The following C1QTNF9 variants were observed in gnomAD, a reference collection of about 807,000 sequenced individuals.
The protein encoded by C1QTNF9 is complement C1q and tumor necrosis factor-related protein 9A.
Under a neutral mutation model 10.1 loss-of-function variants are expected in C1QTNF9, and 6 were observed. The observed-to-expected ratio is 0.59, with a 90% CI of 0.32 to 1.17. C1QTNF9 has a LOEUF of 1.17. Ranked by LOEUF, C1QTNF9 falls within the 50% of genes most tolerant of loss-of-function variation. The probability of loss-of-function intolerance (pLI) is 0.04; values close to 1 mark genes in which losing one functional copy is unlikely to be tolerated. For missense variants in C1QTNF9, 201 were observed against 418.8 expected (o/e 0.48, Z 4.54); for synonymous variants, 98 against 163.5 (o/e 0.60, Z 3.06).
Position 24,309,907 on chromosome 13 carries a change from T to C in C1QTNF9, c.-23+291T>C, listed in dbSNP as rs145595964. On this transcript the variant is annotated intron_variant, in intron 1 of 3. Coordinates refer to ENST00000332018, the Ensembl canonical transcript of C1QTNF9. ...TCATAAGAATAGTGGGCTTTTTTTCTTTTTTTCAGATGTAGTCTTGCTCTG... is the reference window on the plus strand; with the variant it reads ...TCATAAGAATAGTGGGCTTTTTTTCCTTTTTTCAGATGTAGTCTTGCTCTG... Among the ~76,000 whole-genome samples the C allele has an allele frequency of 2.2e-3, 328 of 152,250 alleles. 1 individual carries two copies. Among genetic ancestry groups the C allele is most frequent in the African/African-American group, 7.6e-3 (317 of 41,542 alleles).
chr13:24,310,934 G>T (rs1028905453), intron 1 of C1QTNF9, among the ~76,000 whole-genome samples: 1 of 139,104 alleles, frequency 7.2e-6, no homozygotes, highest in Non-Finnish European at 1.5e-5. Context: ...AAAAAAAAAA[G>T]ATATGTTGAA....
intron 1 of C1QTNF9, among the ~76,000 whole-genome samples, chr13:24,311,150 T>C (rs1877806625): frequency 2.0e-5 from 3 of 152,148 alleles, no homozygotes; most frequent in Admixed American, 2.0e-4. Flanking sequence ...CATTAAATCT[T>C]AGTTTTGGAG....
intron 3 of C1QTNF9, among the ~76,000 whole-genome samples, chr13:24,319,590 A>T (rs923449415): frequency 7.2e-5 from 11 of 152,130 alleles, no homozygotes; most frequent in Non-Finnish European, 1.3e-4. Flanking sequence ...AAACAAAAAA[A>T]CATGTAAACC....
At chr13:24,309,765 C>T (rs769026350) in intron 1 of C1QTNF9, 149 bp downstream of exon 1, 2 of 152,064 alleles carry the variant, frequency 1.3e-5, no homozygotes, top group African/African-American at 2.4e-5. Flanking sequence ...AGGGGTAAGC[C>T]GCTTTCAAAA....
At chr13:24,313,468 C>T (rs1292356767) in intron 1 of C1QTNF9, among the ~76,000 whole-genome samples, 1 of 152,162 alleles carries the variant, frequency 6.6e-6, no homozygotes, top group Non-Finnish European at 1.5e-5. Context: ...GATGGAATTT[C>T]GATTTGACTG....
chr13:24,316,546 TAGAG>T (rs1372398528), intron 2 of C1QTNF9, among the ~76,000 whole-genome samples: 5 of 152,202 alleles, frequency 3.3e-5, no homozygotes, highest in Admixed American at 6.5e-5. Flanking sequence ...AAAAGGCTAA[TAGAG>T]AGATCTGATC....
At chr13:24,312,873 C>A (rs190600343) in intron 1 of C1QTNF9, among the ~76,000 whole-genome samples, 1 of 149,792 alleles carries the variant, frequency 6.7e-6, no homozygotes, top group Admixed American at 6.7e-5. Context: ...GAGAATGGTG[C>A]GAACCCGGGA....
chr13:24,307,549 C>T (rs1338659112), upstream of C1QTNF9, among the ~76,000 whole-genome samples: 1 of 152,250 alleles, frequency 6.6e-6, no homozygotes, highest in African/African-American at 2.4e-5. Flanking sequence ...GAAAAGGATT[C>T]CTATGAAGGC....
exon 4 of C1QTNF9, chr13:24,321,591 C>T (rs759653336): frequency 6.2e-7 from 1 of 1,614,110 alleles, no homozygotes; most frequent in Non-Finnish European, 8.5e-7. Flanking sequence ...AAATACTGCA[C>T]ACCAAAGATG....
chr13:24,315,050 C>A (rs1010334780), intron 1 of C1QTNF9, among the ~76,000 whole-genome samples: 1 of 152,010 alleles, frequency 6.6e-6, no homozygotes, highest in African/African-American at 2.4e-5. Context: ...AAATATATAA[C>A]ATAAAACGTA....
intron 1 of C1QTNF9, among the ~76,000 whole-genome samples, chr13:24,314,217 T>G (rs7985306): frequency 5.9e-5 from 9 of 151,798 alleles, no homozygotes; most frequent in Admixed American, 3.9e-4. Flanking sequence ...AGTTGCACTA[T>G]GCCCACGTTT....
In C1QTNF9 at chr13:24,316,622, C is replaced by T. The variant is rs147220517; in HGVS notation, c.166+453C>T. Among the ~76,000 whole-genome samples the T allele has an allele frequency of 8.1e-3, 1,241 of 152,314 alleles. 10 individuals are homozygous for T. The highest frequency in any genetic ancestry group is 0.028 in the African/African-American group (1,169 of 41,578). On this transcript the variant is annotated intron_variant, in intron 2 of 3. Transcript: ENST00000332018. ...AGGTGAGAGCTAATACCGCATCATG[C>T]CATGAAGCAGGAGATGCGGAGTGAC... is the stretch of plus-strand genomic sequence containing the variant.
chr13:24,316,831 G>GTT (rs1403627013), intron 2 of C1QTNF9, among the ~76,000 whole-genome samples: 2 of 152,164 alleles, frequency 1.3e-5, no homozygotes, highest in Non-Finnish European at 2.9e-5. Context: ...AATAGACTTG[G>GTT]TTTCCGAATG....
At chr13:24,310,804 C>T (rs9580932) in intron 1 of C1QTNF9, among the ~76,000 whole-genome samples, 22,039 of 148,120 alleles carry the variant, frequency 0.15, 1,806 homozygotes, top group Middle Eastern at 0.26. Flanking sequence ...CCCAGCTACG[C>T]GGGAGGCTGA....
chr13:24,307,466 A>G (rs1054378872), upstream of C1QTNF9, among the ~76,000 whole-genome samples: 2 of 152,238 alleles, frequency 1.3e-5, no homozygotes, highest in African/African-American at 4.8e-5. Context: ...GCGGGTGGGT[A>G]GATTAGAATT....
At position 24,315,797 on chromosome 13, in the gene C1QTNF9, A is replaced by C. The variant is rs191133726; in HGVS notation, c.-22-185A>C. 2.9e-5 allele frequency: 18 copies of C among 621,186 alleles called. No individual in the cohort carries two copies. In the Admixed American group the frequency reaches 4.5e-4, roughly 15 times the overall value. 38.5% of individuals were successfully genotyped at this position (621,186 alleles called of 1,614,324 possible). On this transcript the variant is annotated intron_variant, in intron 1 of 3. Coordinates refer to ENST00000332018, the Ensembl canonical transcript of C1QTNF9. ...GTTCCAATCACAAGTGTTACCTTCC[A>C]AGGACAGTGTCATTCTGGTTATAAT... is the stretch of plus-strand genomic sequence containing the variant.
chr13:24,318,710 C>G (rs1292162920), intron 2 of C1QTNF9, 108 bp from the exon 3 acceptor site: 13 of 1,481,904 alleles, frequency 8.8e-6, no homozygotes, highest in Admixed American at 8.5e-5. Context: ...CCCGTCAGGG[C>G]GGGGGTCACC....
At chr13:24,313,231 CA>C (rs1242335749) in intron 1 of C1QTNF9, among the ~76,000 whole-genome samples, 1 of 152,208 alleles carries the variant, frequency 6.6e-6, no homozygotes, top group Non-Finnish European at 1.5e-5. Flanking sequence ...GCTGTATAAA[CA>C]AGCTAGATAG....
At chr13:24,313,256 C>T (rs1031334163) in intron 1 of C1QTNF9, among the ~76,000 whole-genome samples, 1 of 152,192 alleles carries the variant, frequency 6.6e-6, no homozygotes, top group Non-Finnish European at 1.5e-5. Flanking sequence ...CTACCTACAT[C>T]AAATATGCAA....
Sources: allele counts gnomAD v4.1 joint callset (sites outside exome capture counted in the v4.1 genomes callset), GRCh38; gene constraint gnomAD v4.1.1; transcripts MANE v1.5; gene names NCBI Gene and HGNC (gene_info 2026-07-23, HGNC 2026-07-21).